ARHGDIG: variants seen among roughly 807,000 people sequenced by gnomAD.
ARHGDIG encodes rho GDP-dissociation inhibitor 3.
In ARHGDIG, 14 loss-of-function variants were observed where a neutral mutation model predicts 20.2. That is an observed-to-expected ratio of 0.69 (90% CI 0.46 to 1.08). The LOEUF (loss-of-function observed/expected upper bound fraction) is 1.08, where lower values mean the gene tolerates loss of function less well. Among genes scored for constraint, ARHGDIG ranks in the 50% least tolerant of loss-of-function variants. ARHGDIG has a pLI of 0.00. For missense variants in ARHGDIG, 311 were observed against 301.8 expected (o/e 1.03, Z -0.23); for synonymous variants, 193 against 138.6 (o/e 1.39, Z -2.76).
At chr16:281,706 T>C in intron 1 of ARHGDIG, 40 bp from the exon 2 acceptor site, 1 of 1,520,062 alleles carries the variant, frequency 6.6e-7, no homozygotes, top group South Asian at 1.2e-5. Flanking sequence ...AATGCCAGGG[T>C]CCGCTAGTGG....
At position 282,656 on chromosome 16, in the gene ARHGDIG, G is replaced by T; in HGVS notation, c.520G>T (p.Ala174Ser). The change falls in exon 6 of 6, where the codon GCC becomes TCC. Residue 174 changes from alanine to serine, a missense_variant. Ala to Ser is a moderately conservative substitution (Grantham distance 99). Transcript: ENST00000219409. ...VYMVGSYGPS[A>S]QEYEFVTPVE... ...CATGGTGGGCAGCTATGGCCCGAGC[G>T]CCCAGGAGTATGAGTTTGTGACTCC... 6.3e-7 allele frequency: 1 copy of T among 1,599,746 alleles called. No homozygotes were observed. Among genetic ancestry groups the T allele is most frequent in the South Asian group, 1.1e-5 (1 of 88,980 alleles).
rs2052295158 is a variant in ARHGDIG at position 282,361 on chromosome 16, G to A, written c.402G>A (p.Lys134=). The stretch of plus-strand genomic sequence containing the variant: ...AGGAAGGTGTTGATTACAGAGTGAA[G>A]ATCTCCTTCAAGGTGAGAGCCGGGG... The part of the protein sequence containing the change: ...VLKEGVDYRV[K]ISFKVHREIV... Residue 134 remains lysine, a synonymous_variant, in exon 4 of 6, where the codon AAG becomes AAA. Transcript: ENST00000219409. The A allele has an allele frequency of 6.2e-7, 1 of 1,610,974 alleles. No homozygotes were observed. Among genetic ancestry groups the A allele is most frequent in the Middle Eastern group, 1.7e-4 (1 of 6,036 alleles).
chr16:281,782 T>C lies in ARHGDIG; in HGVS notation c.110T>C (p.Val37Ala). 1.2e-6 allele frequency: 2 copies of C among 1,608,550 alleles called. No homozygotes were observed. The highest frequency in any genetic ancestry group is 1.7e-6 in the Non-Finnish European group (2 of 1,177,744). ...LADKEGGPPA[V>A]DEVLDEAVPE... ...GACAAGGAGGGTGGGCCGCCGGCAG[T>C]GGACGAGGTGTTGGATGAGGCTGTG... Residue 37 changes from valine (V) to alanine (A), a missense_variant, in exon 2 of 6, where the codon GTG becomes GCG. Coordinates refer to ENST00000219409, the MANE Select transcript of ARHGDIG (RefSeq NM_001176.4).
chr16:280,693 G>T lies in ARHGDIG; in HGVS notation c.13G>T (p.Asp5Tyr). The change falls in exon 1 of 6, where the codon GAC becomes TAC. Residue 5 changes from aspartate (D) to tyrosine (Y), a missense_variant. Coordinates refer to ENST00000219409, the MANE Select transcript of ARHGDIG (RefSeq NM_001176.4). The surrounding 1 kb of genome is among the most constrained non-coding windows in gnomAD (Gnocchi z 6.6). Reference protein sequence around the residue: MLGLDACELGAQLLE... With the variant: MLGLYACELGAQLLE... ...GCCGCGCGCCGCCATGCTGGGCCTG[G>T]ACGCGTGCGAGCTGGGGGCGCAGCT... 1.6e-6 allele frequency: 2 copies of T among 1,224,644 alleles called. No homozygotes were observed. Among genetic ancestry groups the T allele is most frequent in the Non-Finnish European group, 2.0e-6 (2 of 976,188 alleles). 75.9% of individuals were successfully genotyped at this position (1,224,644 alleles called of 1,614,324 possible).
Position 280,687 on chromosome 16 carries a change from G to C in ARHGDIG, c.7G>C (p.Gly3Arg). Residue 3 changes from glycine to arginine, a missense_variant, in exon 1 of 6, where the codon GGC (glycine) becomes CGC (arginine). Transcript: ENST00000219409. The surrounding 1 kb of genome is among the most constrained non-coding windows in gnomAD (Gnocchi z 6.6). ...GCCCGGGCCGCGCGCCGCCATGCTG[G>C]GCCTGGACGCGTGCGAGCTGGGGGC... ML[G>R]LDACELGAQL... 4.2e-6 allele frequency: 5 copies of C among 1,180,708 alleles called. No individual in the cohort carries two copies. The highest frequency in any genetic ancestry group is 5.3e-6 in the Non-Finnish European group (5 of 951,314). The allele number at this position is 1,180,708 out of a possible 1,614,324, so 73.1% of individuals were successfully genotyped here.
chr16:281,979 C>G, intron 2 of ARHGDIG, 46 bp from the exon 3 acceptor site: 4 of 1,217,602 alleles, frequency 3.3e-6, no homozygotes, highest in Non-Finnish European at 4.7e-6. Context: ...GGTGAGGAGC[C>G]TGGTGGGGGT....
chr16:282,403 T>TTG, intron 4 of ARHGDIG, 30 bp downstream of exon 4: 1 of 1,008,230 alleles, frequency 9.9e-7, no homozygotes, highest in Non-Finnish European at 1.5e-6. Context: ...GCGGAGGGGA[T>TTG]GGGGGTGGGG....
chr16:282,531 G>A lies in ARHGDIG; in HGVS notation c.478+1G>A. The stretch of plus-strand genomic sequence containing the variant: ...CACACCTACCGCCGGGGCCTGCGCG[G>A]TGAGGGCAGCGGTGGGGGGAACGGG... On this transcript the variant is annotated splice_donor_variant, in intron 5 of 5. Coordinates refer to ENST00000219409, the MANE Select transcript of ARHGDIG (RefSeq NM_001176.4). LOFTEE classifies it high-confidence loss of function. 1 of 1,598,916 alleles carries A rather than the reference G, an allele frequency of 6.3e-7. No individual in the cohort carries two copies. Among genetic ancestry groups the A allele is most frequent in the South Asian group, 1.1e-5 (1 of 89,448 alleles).
In ARHGDIG at chr16:281,794, T is replaced by C. The variant is rs1277395141; in HGVS notation, c.122T>C (p.Leu41Ser). ...GGGCCGCCGGCAGTGGACGAGGTGT[T>C]GGATGAGGCTGTGCCCGAGTACCGG... ...EGGPPAVDEV[L>S]DEAVPEYRAP... is the part of the protein sequence containing the mutation. Residue 41 changes from leucine to serine, a missense_variant, in exon 2 of 6, where the codon TTG becomes TCG. Leu to Ser is a moderately radical substitution (Grantham distance 145, BLOSUM62 -2). Coordinates refer to ENST00000219409, the MANE Select transcript of ARHGDIG (RefSeq NM_001176.4). The C allele has an allele frequency of 6.2e-7, 1 of 1,611,016 alleles. No homozygotes were observed. Among genetic ancestry groups the C allele is most frequent in the South Asian group, 1.1e-5 (1 of 90,998 alleles).
In ARHGDIG at chr16:282,102, C is replaced by G; in HGVS notation, c.331C>G (p.Leu111Val). The change falls in exon 3 of 6, where the codon CTC becomes GTC. Residue 111 changes from leucine to valine, a missense_variant. Transcript: ENST00000219409. Reference sequence around the variant, plus strand: ...GGCTCCGGGGCCCGTCGTCATGGATCTCACAGGTAACTCGCAGGATGCTGC... The same window carrying G: ...GGCTCCGGGGCCCGTCGTCATGGATGTCACAGGTAACTCGCAGGATGCTGC... Reference protein sequence around the residue: ...EQAPGPVVMDLTGDLAVLKDQ... With the variant: ...EQAPGPVVMDVTGDLAVLKDQ... The G allele has an allele frequency of 3.1e-6, 5 of 1,612,894 alleles. No homozygotes were observed. The highest frequency in any genetic ancestry group is 4.2e-6 in the Non-Finnish European group (5 of 1,179,934).
In ARHGDIG at chr16:282,893, G is replaced by A. The variant is rs1596937998; in HGVS notation, c.*79G>A. 5 of 1,402,934 alleles carry A rather than the reference G, an allele frequency of 3.6e-6. No individual in the cohort carries two copies. The highest frequency in any genetic ancestry group is 2.7e-5 in the South Asian group (2 of 73,044). 86.9% of individuals were successfully genotyped at this position (1,402,934 alleles called of 1,614,324 possible). A position where few individuals can be genotyped will look rare whatever the true frequency, so the allele number is the denominator to read the frequency against. ...AGCATCCCCAGCACCCCCCGTGAGTGACCAGACCCTCCCCTGCTGCCCCTG... is the reference window on the plus strand; with the variant it reads ...AGCATCCCCAGCACCCCCCGTGAGTAACCAGACCCTCCCCTGCTGCCCCTG... On this transcript the variant is annotated 3_prime_UTR_variant, in exon 6 of 6. Coordinates refer to ENST00000219409, the MANE Select transcript of ARHGDIG (RefSeq NM_001176.4).
Position 280,853 on chromosome 16 carries a change from T to A in ARHGDIG, c.73+100T>A. ...AACTTTGGGGGCGCGCATGGGGACCTCGCGGCGCCGACCCCCCGGCTGGGG... is the reference window on the plus strand; with the variant it reads ...AACTTTGGGGGCGCGCATGGGGACCACGCGGCGCCGACCCCCCGGCTGGGG... On this transcript the variant is annotated intron_variant, in intron 1 of 5. Coordinates refer to ENST00000219409, the MANE Select transcript of ARHGDIG (RefSeq NM_001176.4). The surrounding 1 kb of genome is among the most constrained non-coding windows in gnomAD (Gnocchi z 6.6). The A allele has an allele frequency of 1.4e-6, 1 of 723,994 alleles. No homozygotes were observed. The highest frequency in any genetic ancestry group is 1.8e-6 in the Non-Finnish European group (1 of 559,930). The allele number at this position is 723,994 out of a possible 1,614,324, so 44.8% of individuals were successfully genotyped here. A position where few individuals can be genotyped will look rare whatever the true frequency, so the allele number is the denominator to read the frequency against.
chr16:282,599 C>A lies in ARHGDIG; in HGVS notation c.479-16C>A. On this transcript the variant is annotated splice_polypyrimidine_tract_variant and intron_variant, in intron 5 of 5. Transcript: ENST00000219409. Reference sequence around the variant, plus strand: ...GGGCAGACAGAGGACAGCTCTGATGCCCTCGCCCTCCCTAGTGGACAAGAC... The same window carrying A: ...GGGCAGACAGAGGACAGCTCTGATGACCTCGCCCTCCCTAGTGGACAAGAC... The A allele has an allele frequency of 6.3e-7, 1 of 1,580,184 alleles. No homozygotes were observed.
In ARHGDIG at chr16:282,897, A is replaced by G; in HGVS notation, c.*83A>G. 1 of 1,382,570 alleles carries G rather than the reference A, an allele frequency of 7.2e-7. No homozygotes were observed. The allele number at this position is 1,382,570 out of a possible 1,614,324, so 85.6% of individuals were successfully genotyped here. A position where few individuals can be genotyped will look rare whatever the true frequency, so the allele number is the denominator to read the frequency against. On this transcript the variant is annotated 3_prime_UTR_variant, in exon 6 of 6. Transcript: ENST00000219409. ...TCCCCAGCACCCCCCGTGAGTGACC[A>G]GACCCTCCCCTGCTGCCCCTGCTGC...
chr16:282,471 A>G lies in ARHGDIG; in HGVS notation c.419A>G (p.His140Arg). 1 of 1,603,162 alleles carries G rather than the reference A, an allele frequency of 6.2e-7. No homozygotes were observed. The highest frequency in any genetic ancestry group is 8.5e-7 in the Non-Finnish European group (1 of 1,174,982). ...CCCTAATGCCTCTGTTCCCAGGTCCACAGGGAGATTGTCAGCGGCCTCAAG... is the reference window on the plus strand; with the variant it reads ...CCCTAATGCCTCTGTTCCCAGGTCCGCAGGGAGATTGTCAGCGGCCTCAAG... ...DYRVKISFKV[H>R]REIVSGLKCL... Residue 140 changes from histidine (H) to arginine (R), a missense_variant, in exon 5 of 6, where the codon CAC becomes CGC. His to Arg is a conservative substitution (Grantham distance 29). Coordinates refer to ENST00000219409, the MANE Select transcript of ARHGDIG (RefSeq NM_001176.4).
At chr16:282,256 C>T (rs1243991899) in intron 3 of ARHGDIG, 41 bp from the exon 4 acceptor site, 2 of 1,611,288 alleles carry the variant, frequency 1.2e-6, no homozygotes, top group African/African-American at 1.3e-5. Flanking sequence ...AGGTCTCAGC[C>T]TGTAGGGGAG....
Position 280,780 on chromosome 16 carries a change from GC to G in ARHGDIG, c.73+28del. 1 of 1,256,110 alleles carries G rather than the reference GC, an allele frequency of 8.0e-7. No individual in the cohort carries two copies. Among genetic ancestry groups the G allele is most frequent in the Non-Finnish European group, 1.0e-6 (1 of 996,394 alleles). The allele number at this position is 1,256,110 out of a possible 1,614,324, so 77.8% of individuals were successfully genotyped here. ...TGAGCGGGCCGGGCAGGGGCGGGGG[GC>G]TCGGCTGGTCTCAGCCCCGGGCGGG... On this transcript the variant is annotated intron_variant, in intron 1 of 5. Coordinates refer to ENST00000219409, the MANE Select transcript of ARHGDIG (RefSeq NM_001176.4). The surrounding 1 kb of genome is among the most constrained non-coding windows in gnomAD (Gnocchi z 6.6).
At position 282,028 on chromosome 16, in the gene ARHGDIG, C is replaced by T. The variant is rs200015949; in HGVS notation, c.257C>T (p.Pro86Leu). The change falls in exon 3 of 6, where the codon CCA becomes CTA. Residue 86 changes from proline (P) to leucine (L), a missense_variant. Transcript: ENST00000219409. ...LLGPLPPAVD[P>L]SLPNVQVTRL... The stretch of plus-strand genomic sequence containing the variant: ...CAGACTTCCAGTTTCTCCTCAGACC[C>T]AAGCCTGCCCAATGTGCAGGTGACC... The T allele has an allele frequency of 6.8e-6, 11 of 1,612,462 alleles. No individual in the cohort carries two copies. The East Asian group carries it at 1.6e-4, about 23-fold the overall frequency.
In ARHGDIG at chr16:282,645, A is replaced by G; in HGVS notation, c.509A>G (p.Tyr170Cys). ...AAGACCGTCTACATGGTGGGCAGCT[A>G]TGGCCCGAGCGCCCAGGAGTATGAG... The part of the protein sequence containing the change: ...VDKTVYMVGS[Y>C]GPSAQEYEFV... The change falls in exon 6 of 6, where the codon TAT becomes TGT. Residue 170 changes from tyrosine to cysteine, a missense_variant. Coordinates refer to ENST00000219409, the MANE Select transcript of ARHGDIG (RefSeq NM_001176.4). 4 of 1,599,700 alleles carry G rather than the reference A, an allele frequency of 2.5e-6. No homozygotes were observed. Among genetic ancestry groups the G allele is most frequent in the Non-Finnish European group, 3.4e-6 (4 of 1,172,870 alleles).
Sources: gnomAD v4.1 joint callset for allele counts on GRCh38, gnomAD v4.1.1 for gene constraint, Gnocchi (gnomAD v3.1) non-coding constraint, MANE v1.5 for transcripts, NCBI Gene and HGNC (gene_info 2026-07-23, HGNC 2026-07-21) for gene names.